PTPRD: variants seen among roughly 807,000 people sequenced by gnomAD.
PTPRD encodes protein tyrosine phosphatase receptor type D.
In PTPRD, 34 loss-of-function variants were observed where a neutral mutation model predicts 214.5. The observed-to-expected ratio is 0.16, with a 90% confidence interval of 0.12 to 0.21. The LOEUF (loss-of-function observed/expected upper bound fraction) is 0.21. Among genes scored for constraint, PTPRD ranks in the 10% least tolerant of loss-of-function variants. The pLI, the probability that PTPRD is intolerant of heterozygous loss-of-function variation, is 1.00. For synonymous variants in PTPRD, 1,128 were observed against 845.7 expected, an observed-to-expected ratio of 1.33 and a Z score of -5.79; for missense variants, 2,545 against 2,398.7, an observed-to-expected ratio of 1.06 and a Z score of -1.27.
intron 35 of PTPRD, among the ~76,000 whole-genome samples, chr9:8,412,236 A>G (rs2093589897): frequency 6.6e-6 from 1 of 152,182 alleles, no homozygotes; most frequent in East Asian, 1.9e-4. Flanking sequence ...GCAAGACCCA[A>G]TCTCATTAAA....
At chr9:8,481,806 G>A (rs1019376483) in intron 30 of PTPRD, among the ~76,000 whole-genome samples, 3 of 151,966 alleles carry the variant, frequency 2.0e-5, no homozygotes, top group African/African-American at 4.8e-5. Flanking sequence ...TTTTTGAGAC[G>A]GAGTATACCT....
intron 18 of PTPRD, 134 bp downstream of exon 18, chr9:8,524,791 C>G (rs760801881): frequency 6.2e-6 from 5 of 802,142 alleles, no homozygotes; most frequent in Non-Finnish European, 1.1e-5. Flanking sequence ...TTTCTATTTA[C>G]TAACATGTTT....
At chr9:9,054,719 G>T (rs1419094765) in intron 10 of PTPRD, among the ~76,000 whole-genome samples, 1 of 152,114 alleles carries the variant, frequency 6.6e-6, no homozygotes, top group African/African-American at 2.4e-5. Context: ...ATCATATACT[G>T]GTGTGTTTGC....
At chr9:9,388,168 A>G (rs1418622459) in intron 9 of PTPRD, among the ~76,000 whole-genome samples, 1 of 152,136 alleles carries the variant, frequency 6.6e-6, no homozygotes, top group Non-Finnish European at 1.5e-5. Flanking sequence ...GTCTTCTTCC[A>G]TTGACATGTT....
chr9:9,321,754 C>T (rs557641721), intron 9 of PTPRD, among the ~76,000 whole-genome samples: 1 of 152,092 alleles, frequency 6.6e-6, no homozygotes, highest in Non-Finnish European at 1.5e-5. Context: ...TTGATTTCTA[C>T]ATTTGTAGAA....
At chr9:10,092,712 G>C (rs1010007514) in intron 3 of PTPRD, among the ~76,000 whole-genome samples, 7 of 151,486 alleles carry the variant, frequency 4.6e-5, no homozygotes, top group South Asian at 2.1e-4. Flanking sequence ...ATACTATAAA[G>C]ATATAGTAAC....
At position 8,833,561 on chromosome 9, in the gene PTPRD, G is replaced by A. The variant is rs544075362; in HGVS notation, c.-103-99615C>T. Among the ~76,000 whole-genome samples, 150 of 150,052 alleles carry A rather than the reference G, an allele frequency of 1.0e-3. 1 individual carries two copies. The highest frequency in any genetic ancestry group is 3.2e-3 in the African/African-American group (130 of 40,808). On this transcript the variant is annotated intron_variant, in intron 11 of 45. Coordinates refer to ENST00000381196, the MANE Select transcript of PTPRD (RefSeq NM_002839.4). The stretch of plus-strand genomic sequence containing the variant: ...TTCATTTTTTTTTCTCACTTGTTAG[G>A]GCTGGATCTATGTATGACCTGGTCC...
chr9:8,816,358 G>T (rs2096918477), intron 11 of PTPRD, among the ~76,000 whole-genome samples: 2 of 152,160 alleles, frequency 1.3e-5, no homozygotes, highest in South Asian at 4.1e-4. Context: ...TTCAGCTATG[G>T]AAAGAATGAG....
intron 4 of PTPRD, among the ~76,000 whole-genome samples, chr9:9,952,477 A>G (rs762072421): frequency 1.3e-5 from 2 of 152,186 alleles, no homozygotes; most frequent in Non-Finnish European, 2.9e-5. Context: ...GGTGGAAAAT[A>G]GAATGATGGT....
chr9:10,316,186 C>CAT (rs546098614), intron 3 of PTPRD, among the ~76,000 whole-genome samples: 290 of 135,970 alleles, frequency 2.1e-3, no homozygotes, highest in Non-Finnish European at 3.4e-3. Flanking sequence ...CATAGATATA[C>CAT]ATATATATAG....
chr9:8,448,350 A>C (rs938169230), intron 34 of PTPRD, among the ~76,000 whole-genome samples: 6 of 152,090 alleles, frequency 3.9e-5, no homozygotes, highest in African/African-American at 1.2e-4. Flanking sequence ...AATCAAACAA[A>C]CAACCAAAAA....
chr9:10,588,169 C>T (rs1050305210), intron 2 of PTPRD, among the ~76,000 whole-genome samples: 1 of 152,008 alleles, frequency 6.6e-6, no homozygotes, highest in African/African-American at 2.4e-5. Flanking sequence ...ATGCCCAATG[C>T]TGTACATAGT....
intron 9 of PTPRD, among the ~76,000 whole-genome samples, chr9:9,243,122 C>T (rs2099971223): frequency 6.6e-6 from 1 of 152,044 alleles, no homozygotes; most frequent in Non-Finnish European, 1.5e-5. Flanking sequence ...ACCCTGTTTG[C>T]CTGGGTATCA....
chr9:10,221,262 C>A (rs2099570092), intron 3 of PTPRD, among the ~76,000 whole-genome samples: 1 of 151,948 alleles, frequency 6.6e-6, no homozygotes, highest in Admixed American at 6.6e-5. Context: ...AACGGGAGCT[C>A]AGATACAAAC....
At chr9:10,203,949 C>A (rs1230552073) in intron 3 of PTPRD, among the ~76,000 whole-genome samples, 1 of 152,136 alleles carries the variant, frequency 6.6e-6, no homozygotes, top group Non-Finnish European at 1.5e-5. Context: ...TCTATCCCTG[C>A]CTCAATTTTG....
intron 31 of PTPRD, among the ~76,000 whole-genome samples, chr9:8,467,948 A>C (rs2134650812): frequency 6.6e-6 from 1 of 152,108 alleles, no homozygotes; most frequent in African/African-American, 2.4e-5. Context: ...AAAAACATTC[A>C]TCATGAGTTG....
At chr9:10,205,416 A>G (rs2099466973) in intron 3 of PTPRD, among the ~76,000 whole-genome samples, 1 of 149,138 alleles carries the variant, frequency 6.7e-6, no homozygotes, top group African/African-American at 2.5e-5. Flanking sequence ...ATTTTACTCT[A>G]TTTTCCTGAG....
intron 11 of PTPRD, among the ~76,000 whole-genome samples, chr9:8,879,142 G>C (rs957538686): frequency 6.6e-6 from 1 of 152,182 alleles, no homozygotes; most frequent in African/African-American, 2.4e-5. Context: ...GGGTCCCCAA[G>C]TATCTATAGG....
intron 4 of PTPRD, among the ~76,000 whole-genome samples, chr9:9,954,543 CAAG>C (rs568521673): frequency 1.2e-4 from 17 of 144,772 alleles, no homozygotes; most frequent in African/African-American, 3.2e-4. Context: ...TAGTTTAAAA[CAAG>C]AATATAAAAT....
Sources: allele counts gnomAD v4.1 joint callset (sites outside exome capture counted in the v4.1 genomes callset), GRCh38; gene constraint gnomAD v4.1.1; transcripts MANE v1.5; gene names NCBI Gene and HGNC (gene_info 2026-07-23, HGNC 2026-07-21).